The following GET4 variants were observed in gnomAD, a reference collection of about 807,000 sequenced individuals.
GET4 encodes the protein guided entry of tail-anchored proteins factor 4.
In GET4, 20 loss-of-function variants were observed where a neutral mutation model predicts 40.0. That is an observed-to-expected ratio of 0.50 (90% CI 0.35 to 0.73). The LOEUF (loss-of-function observed/expected upper bound fraction) is 0.73. GET4 is among the 30% of genes least tolerant of loss of function. The pLI, the probability that GET4 is intolerant of heterozygous loss-of-function variation, is 0.01. For synonymous variants in GET4, 280 were observed against 194.6 expected, an observed-to-expected ratio of 1.44 and a Z score of -3.65; for missense variants, 557 against 454.0, an observed-to-expected ratio of 1.23 and a Z score of -2.06.
At chr7:878,977 C>T (rs532348634) in intron 1 of GET4, among the ~76,000 whole-genome samples, 211 of 12,402 alleles carry the variant, frequency 0.017, 1 homozygote, top group Middle Eastern at 0.056. Context: ...CCCACAGACA[C>T]CCCCCCCCGA....
Position 884,008 on chromosome 7 carries a change from C to T in GET4, c.156-2048C>T, listed in dbSNP as rs754359388. 2.3e-4 allele frequency: 261 copies of T among 1,138,222 alleles called. 2 individuals are homozygous for T. The highest frequency in any genetic ancestry group is 2.6e-4 in the Non-Finnish European group (234 of 915,292). The allele number at this position is 1,138,222 out of a possible 1,614,324, so 70.5% of individuals were successfully genotyped here. On this transcript the variant is annotated intron_variant, in intron 1 of 8. Coordinates refer to ENST00000265857, the MANE Select transcript of GET4 (RefSeq NM_015949.3). ...CTGCAAGGCGCAGTCCAAACCAGGCCGGGGGCCGTGACCATCGGCAGTGCC... is the reference window on the plus strand; with the variant it reads ...CTGCAAGGCGCAGTCCAAACCAGGCTGGGGGCCGTGACCATCGGCAGTGCC...
rs370621678 is a variant in GET4 at position 891,001 on chromosome 7, G to A, written c.540G>A (p.Val180=). 5.3e-5 allele frequency: 85 copies of A among 1,611,928 alleles called. No individual in the cohort carries two copies. Among genetic ancestry groups the A allele is most frequent in the Admixed American group, 2.0e-4 (12 of 59,956 alleles). ...GGGAGGGCTGTGCCAACATGCTGGTGGAGTATTCCACGTCCCGCGGCTTCC... is the reference window on the plus strand; with the variant it reads ...GGGAGGGCTGTGCCAACATGCTGGTAGAGTATTCCACGTCCCGCGGCTTCC... ...ADGEGCANML[V]EYSTSRGFRS... is the part of the protein sequence containing the mutation. Residue 180 remains valine (V), a synonymous_variant, in exon 5 of 9, where the codon GTG becomes GTA. Coordinates refer to ENST00000265857, the MANE Select transcript of GET4 (RefSeq NM_015949.3).
chr7:894,286 G>A (rs553731868), intron 8 of GET4, among the ~76,000 whole-genome samples: 10 of 152,264 alleles, frequency 6.6e-5, no homozygotes, highest in Admixed American at 3.9e-4. Context: ...GGTGGCCTCC[G>A]TGAGCCTGGT....
intron 4 of GET4, among the ~76,000 whole-genome samples, chr7:888,251 C>T (rs763038220): frequency 2.0e-5 from 3 of 152,304 alleles, no homozygotes; most frequent in South Asian, 2.1e-4. Flanking sequence ...CTCTAGAGTT[C>T]CGGATTGCTG....
intron 5 of GET4, among the ~76,000 whole-genome samples, chr7:891,819 G>A (rs536876785): frequency 3.9e-5 from 6 of 152,330 alleles, no homozygotes; most frequent in South Asian, 2.1e-4. Flanking sequence ...TCTGCGCTAC[G>A]CCGTGTACAT....
Position 877,071 on chromosome 7 carries a change from C to T in GET4, c.155+271C>T, listed in dbSNP as rs540915972. Among the ~76,000 whole-genome samples, 117 of 151,864 alleles carry T rather than the reference C, an allele frequency of 7.7e-4. 1 individual carries two copies. The South Asian group carries it at 0.023, about 29-fold the overall frequency. ...CGTTCCTCCTCGGCCTTCCCCTACT[C>T]CCAGCCTCCACCTGTTCCCTCCTCC... On this transcript the variant is annotated intron_variant, in intron 1 of 8. Transcript: ENST00000265857.
chr7:893,688 A>G lies in GET4; in HGVS notation c.747-52A>G, dbSNP rs373542121. The G allele has an allele frequency of 7.5e-6, 9 of 1,205,194 alleles. 1 individual carries two copies. The highest frequency in any genetic ancestry group is 2.4e-6 in the Non-Finnish European group (2 of 821,920). 74.7% of individuals were successfully genotyped at this position (1,205,194 alleles called of 1,614,324 possible). On this transcript the variant is annotated intron_variant, in intron 6 of 8. Coordinates refer to ENST00000265857, the MANE Select transcript of GET4 (RefSeq NM_015949.3). ...GCAGGCGCGGTGGTTTGTGCAGGTGAGTGTGGTCCTGTTCTGCTCACCCAG... is the reference window on the plus strand; with the variant it reads ...GCAGGCGCGGTGGTTTGTGCAGGTGGGTGTGGTCCTGTTCTGCTCACCCAG...
At chr7:893,115 GTGT>G (rs1390498058) in intron 6 of GET4, among the ~76,000 whole-genome samples, 1 of 142,288 alleles carries the variant, frequency 7.0e-6, no homozygotes, top group African/African-American at 2.5e-5. Flanking sequence ...GTGCAGGCAA[GTGT>G]TGGGTGTAGG....
intron 1 of GET4, chr7:882,260 G>C (rs1844101400): frequency 6.6e-6 from 1 of 152,198 alleles, no homozygotes; most frequent in African/African-American, 2.4e-5. Context: ...CTGCTTTCCA[G>C]GATGGTTCAA....
chr7:885,953 C>T, intron 1 of GET4, 103 bp from the exon 2 acceptor site: 1 of 759,760 alleles, frequency 1.3e-6, no homozygotes, highest in Non-Finnish European at 2.3e-6. Context: ...AGGATGCCAC[C>T]TGTTCCTGGG....
chr7:892,639 ATGTGCAAGTGTAGACATGG>A, intron 6 of GET4, among the ~76,000 whole-genome samples: 1 of 50,376 alleles, frequency 2.0e-5, no homozygotes, highest in East Asian at 8.0e-4. Flanking sequence ...GTGTGGGTGT[ATGTGCAAGTGTAGACATGG>A]CGTGGGGGAG....
At chr7:888,422 C>T (rs1844238932) in intron 4 of GET4, among the ~76,000 whole-genome samples, 1 of 152,252 alleles carries the variant, frequency 6.6e-6, no homozygotes. Flanking sequence ...GCAGGTTCCG[C>T]CTGGGCTGTG....
chr7:883,585 C>T (rs1844128477), intron 1 of GET4: 1 of 984,884 alleles, frequency 1.0e-6, no homozygotes, highest in South Asian at 4.7e-5. Flanking sequence ...TGGCTCTCAG[C>T]GCCTGTCAGC....
chr7:887,389 C>G lies in GET4; in HGVS notation c.336C>G (p.Phe112Leu). 1 of 1,593,436 alleles carries G rather than the reference C, an allele frequency of 6.3e-7. No homozygotes were observed. Among genetic ancestry groups the G allele is most frequent in the Non-Finnish European group, 8.6e-7 (1 of 1,167,214 alleles). ...TTGCAGAAAATCTGGCTAAAGTGTT[C>G]AGCCTGATGGACCCCAACTCTCCTG... The part of the protein sequence containing the change: ...DELLENLAKV[F>L]SLMDPNSPER... The change falls in exon 4 of 9, where the codon TTC (phenylalanine) becomes TTG (leucine). Residue 112 changes from phenylalanine (F) to leucine (L), a missense_variant. By Grantham distance (22) the Phe-to-Leu change is conservative (BLOSUM62 0). Coordinates refer to ENST00000265857, the MANE Select transcript of GET4 (RefSeq NM_015949.3).
intron 1 of GET4, 98 bp from the exon 2 acceptor site, chr7:885,957 TC>T (rs1379820435): frequency 1.0e-5 from 8 of 776,006 alleles, no homozygotes; most frequent in African/African-American, 8.5e-5. Context: ...TGCCACCTGT[TC>T]CTGGGCGCCT....
chr7:893,321 AGT>A (rs1231365648), intron 6 of GET4, among the ~76,000 whole-genome samples: 10 of 75,146 alleles, frequency 1.3e-4, no homozygotes, highest in African/African-American at 4.3e-4. Context: ...TGTGCAGGTG[AGT>A]GTTGGGCGCG....
intron 1 of GET4, chr7:878,286 T>G (rs543241675): frequency 8.5e-6 from 4 of 471,024 alleles, no homozygotes; most frequent in African/African-American, 8.0e-5. Flanking sequence ...TGTTCCAGTA[T>G]TTTTGCTGTC....
intron 2 of GET4, 68 bp from the exon 3 acceptor site, chr7:886,501 C>A: frequency 1.7e-6 from 2 of 1,191,468 alleles, no homozygotes; most frequent in South Asian, 1.2e-5. Context: ...GAAACCCAGC[C>A]TTGTCTTTGC....
chr7:890,940 G>T lies in GET4; in HGVS notation c.479G>T (p.Cys160Phe), dbSNP rs762271647. 5.6e-6 allele frequency: 9 copies of T among 1,605,948 alleles called. No individual in the cohort carries two copies. The highest frequency in any genetic ancestry group is 6.0e-6 in the Non-Finnish European group (7 of 1,172,832). ...CTTTCCTTTGCAGAACAAAACTATTGTGAGTCGAGGTATCATTTTCTGCAC... is the reference window on the plus strand; with the variant it reads ...CTTTCCTTTGCAGAACAAAACTATTTTGAGTCGAGGTATCATTTTCTGCAC... ...ALTLWKEQNYCESRYHFLHSA... is the reference protein window; with the variant it reads ...ALTLWKEQNYFESRYHFLHSA... The change falls in exon 5 of 9, where the codon TGT becomes TTT. Residue 160 changes from cysteine to phenylalanine, a missense_variant. By Grantham distance (205) the Cys-to-Phe change is radical. Coordinates refer to ENST00000265857, the MANE Select transcript of GET4 (RefSeq NM_015949.3).
Sources: allele counts gnomAD v4.1 joint callset (sites outside exome capture counted in the v4.1 genomes callset), GRCh38; gene constraint gnomAD v4.1.1; transcripts MANE v1.5; gene names NCBI Gene and HGNC (gene_info 2026-07-23, HGNC 2026-07-21).